The following SPATA31D1 variants were observed in gnomAD, a reference collection of about 807,000 sequenced individuals.
The protein encoded by SPATA31D1 is spermatogenesis-associated protein 31D1.
SPATA31D1 carries 6 observed loss-of-function variants against 13.2 expected under a neutral mutation model. The ratio of observed to expected loss-of-function variants is 0.46; its 90% CI spans 0.25 to 0.90. The LOEUF (loss-of-function observed/expected upper bound fraction) is 0.90, where lower values mean the gene tolerates loss of function less well. Among genes scored for constraint, SPATA31D1 ranks in the 40% least tolerant of loss-of-function variants. The probability of loss-of-function intolerance (pLI) is 0.18; values close to 1 mark genes in which losing one functional copy is unlikely to be tolerated. For missense variants in SPATA31D1, 2,445 were observed against 1,884.7 expected (o/e 1.30, Z -5.50); for synonymous variants, 903 against 718.8 (o/e 1.26, Z -4.10).
At position 81,990,940 on chromosome 9, in the gene SPATA31D1, C is replaced by T. The variant is rs1824941414; in HGVS notation, c.470C>T (p.Ser157Phe). Reference protein sequence around the residue: ...ESLKDAAPSVSPLASSASATE... With the variant: ...ESLKDAAPSVFPLASSASATE... ...CTGAAAGATGCTGCTCCCTCTGTGTCCCCTTTGGCTTCTTCGGCTTCTGCG... is the reference window on the plus strand; with the variant it reads ...CTGAAAGATGCTGCTCCCTCTGTGTTCCCTTTGGCTTCTTCGGCTTCTGCG... The change falls in exon 4 of 4, where the codon TCC becomes TTC. Residue 157 changes from serine (S) to phenylalanine (F), a missense_variant. Ser to Phe is a radical substitution (Grantham distance 155). Transcript: ENST00000344803. The T allele has an allele frequency of 1.9e-6, 3 of 1,613,796 alleles. No homozygotes were observed. The highest frequency in any genetic ancestry group is 2.5e-6 in the Non-Finnish European group (3 of 1,179,872).
chr9:81,988,724 G>T, upstream of SPATA31D1: 1 of 1,585,980 alleles, frequency 6.3e-7, no homozygotes, highest in South Asian at 1.1e-5. Context: ...AACCTTCTGT[G>T]ACTCTTCCAT....
At position 81,991,640 on chromosome 9, in the gene SPATA31D1, AG is replaced by A. The variant is rs1471755514; in HGVS notation, c.1176del (p.His393ThrfsTer7). On this transcript the variant is annotated frameshift_variant, in exon 4 of 4. Transcript: ENST00000344803. LOFTEE classifies it low-confidence loss of function (END_TRUNC). ...CCCTTCATTCTTCTGAGGCCTTTTT[AG>A]GGGGGCACTCTGTGGCCAACCTCAT... ...LTLHSSEAFL[G>X]GHSVANLIEP... The A allele has an allele frequency of 1.9e-6, 3 of 1,613,860 alleles. No homozygotes were observed. The highest frequency in any genetic ancestry group is 8.5e-7 in the Non-Finnish European group (1 of 1,179,868).
In SPATA31D1 at chr9:81,994,442, TAAC is replaced by T. The variant is rs1825052314; in HGVS notation, c.3975_3977del (p.Asn1325del). The T allele has an allele frequency of 6.2e-7, 1 of 1,613,514 alleles. No individual in the cohort carries two copies. Among genetic ancestry groups the T allele is most frequent in the Non-Finnish European group, 8.5e-7 (1 of 1,179,730 alleles). Reference sequence around the variant, plus strand: ...GCAGGAGAAAGAGCCTCCCTGTTCATAACAAGACATCAGGGGAGGTGCTTGGGA... The same window carrying T: ...GCAGGAGAAAGAGCCTCCCTGTTCATAAGACATCAGGGGAGGTGCTTGGGA... On this transcript the variant is annotated inframe_deletion, in exon 4 of 4. Coordinates refer to ENST00000344803, the MANE Select transcript of SPATA31D1 (RefSeq NM_001001670.3).
rs778064519 is a variant in SPATA31D1, at chr9:81,992,144, C to A, written c.1674C>A (p.Thr558=). The stretch of plus-strand genomic sequence containing the variant: ...CCCAACCTCTGTCCTTGCCTAGTAC[C>A]CAACCACTACCCTTGCCTCAAACCC... ...PPPQPLSLPS[T]QPLPLPQTLP... is the part of the protein sequence containing the mutation. Residue 558 remains threonine (T), a synonymous_variant, in exon 4 of 4, where the codon ACC becomes ACA. Coordinates refer to ENST00000344803, the MANE Select transcript of SPATA31D1 (RefSeq NM_001001670.3). 1 of 1,613,720 alleles carries A rather than the reference C, an allele frequency of 6.2e-7. No individual in the cohort carries two copies. The highest frequency in any genetic ancestry group is 2.2e-5 in the East Asian group (1 of 44,858).
In SPATA31D1 at chr9:81,992,230, C is replaced by A; in HGVS notation, c.1760C>A (p.Pro587Gln). The A allele has an allele frequency of 3.7e-6, 6 of 1,613,776 alleles. No individual in the cohort carries two copies. Among genetic ancestry groups the A allele is most frequent in the Non-Finnish European group, 5.1e-6 (6 of 1,179,732 alleles). ...AAGTCCCTGGCTCAACCTCAATCTC[C>A]ATTCCGAGCCCTACTACCTAGTCCT... ...QVKSLAQPQS[P>Q]FRALLPSPLF... Residue 587 changes from proline to glutamine, a missense_variant, in exon 4 of 4, where the codon CCA becomes CAA. Physicochemically the swap from Pro to Gln is moderately conservative, Grantham distance 76. Coordinates refer to ENST00000344803, the MANE Select transcript of SPATA31D1 (RefSeq NM_001001670.3).
At position 81,993,859 on chromosome 9, in the gene SPATA31D1, GAA is replaced by G; in HGVS notation, c.3391_3392del (p.Lys1131GlufsTer5). Reference sequence around the variant, plus strand: ...GCTGGCTGTGAGTCATGGGATAAGAGAAAGAGTTCCTTTCATAATGTAGACAG... The same window carrying G: ...GCTGGCTGTGAGTCATGGGATAAGAGAGAGTTCCTTTCATAATGTAGACAG... On this transcript the variant is annotated frameshift_variant, in exon 4 of 4. Transcript: ENST00000344803. LOFTEE classifies it low-confidence loss of function (END_TRUNC). The G allele has an allele frequency of 6.2e-7, 1 of 1,613,958 alleles. No individual in the cohort carries two copies.
In SPATA31D1 at chr9:81,993,058, T is replaced by C. The variant is rs372100403; in HGVS notation, c.2588T>C (p.Leu863Pro). The C allele has an allele frequency of 3.7e-6, 6 of 1,613,674 alleles. No individual in the cohort carries two copies. Among genetic ancestry groups the C allele is most frequent in the Non-Finnish European group, 5.1e-6 (6 of 1,179,742 alleles). The change falls in exon 4 of 4, where the codon CTT (leucine) becomes CCT (proline). Residue 863 changes from leucine (L) to proline (P), a missense_variant. By Grantham distance (98) the Leu-to-Pro change is moderately conservative (BLOSUM62 -3). Coordinates refer to ENST00000344803, the MANE Select transcript of SPATA31D1 (RefSeq NM_001001670.3). Reference sequence around the variant, plus strand: ...CACTCAGTCAAGCAGACAATGTCTCTTCCTGAGAAATCCCACAGCCAAATT... The same window carrying C: ...CACTCAGTCAAGCAGACAATGTCTCCTCCTGAGAAATCCCACAGCCAAATT... Reference protein sequence around the residue: ...SWHSVKQTMSLPEKSHSQIKH... With the variant: ...SWHSVKQTMSPPEKSHSQIKH...
Position 81,994,031 on chromosome 9 carries a change from A to G in SPATA31D1, c.3561A>G (p.Pro1187=), listed in dbSNP as rs776291265. Residue 1187 remains proline (P), a synonymous_variant, in exon 4 of 4, where the codon CCA becomes CCG. Transcript: ENST00000344803. ...CCAATGAAACTGAAATTTTCCCACC[A>G]AGAATATCAGTTCCTCAAGATCCTA... is the stretch of plus-strand genomic sequence containing the variant. ...STSNETEIFP[P]RISVPQDPKS... 1 of 1,613,736 alleles carries G rather than the reference A, an allele frequency of 6.2e-7. No homozygotes were observed. The highest frequency in any genetic ancestry group is 8.5e-7 in the Non-Finnish European group (1 of 1,179,790).
chr9:81,991,551 C>T lies in SPATA31D1; in HGVS notation c.1081C>T (p.Pro361Ser), dbSNP rs760732334. The change falls in exon 4 of 4, where the codon CCT becomes TCT. Residue 361 changes from proline to serine, a missense_variant. Pro to Ser is a moderately conservative substitution (Grantham distance 74). Transcript: ENST00000344803. ...LASSEFTWWQPHAKDSFSSNF... is the reference protein window; with the variant it reads ...LASSEFTWWQSHAKDSFSSNF... ...ATCTTCAGAATTCACCTGGTGGCAG[C>T]CTCATGCCAAGGACTCTTTTTCCTC... 3 of 1,614,020 alleles carry T rather than the reference C, an allele frequency of 1.9e-6. No individual in the cohort carries two copies. The highest frequency in any genetic ancestry group is 4.5e-5 in the East Asian group (2 of 44,878).
In SPATA31D1 at chr9:81,991,932, C is replaced by A; in HGVS notation, c.1462C>A (p.His488Asn). Residue 488 changes from histidine (H) to asparagine (N), a missense_variant, in exon 4 of 4, where the codon CAC (histidine) becomes AAC (asparagine). Physicochemically the swap from His to Asn is moderately conservative, Grantham distance 68. Coordinates refer to ENST00000344803, the MANE Select transcript of SPATA31D1 (RefSeq NM_001001670.3). ...EWQHIHQQPP[H>N]SKCFEDHLEQ... ...GCAGCACATCCATCAGCAGCCTCCACACTCTAAATGCTTTGAAGACCATTT... is the reference window on the plus strand; with the variant it reads ...GCAGCACATCCATCAGCAGCCTCCAAACTCTAAATGCTTTGAAGACCATTT... 6.2e-7 allele frequency: 1 copy of A among 1,613,810 alleles called. No homozygotes were observed. Among genetic ancestry groups the A allele is most frequent in the Non-Finnish European group, 8.5e-7 (1 of 1,179,728 alleles).
chr9:81,990,565 C>A (rs1824931875), intron 3 of SPATA31D1, 79 bp downstream of exon 3: 19 of 1,444,378 alleles, frequency 1.3e-5, no homozygotes, highest in Non-Finnish European at 1.7e-5. Context: ...TCAGGGATTC[C>A]TTGTAGCCTG....
Position 81,995,197 on chromosome 9 carries a change from A to T in SPATA31D1, c.4727A>T (p.Lys1576Ile). 1 of 1,517,450 alleles carries T rather than the reference A, an allele frequency of 6.6e-7. No individual in the cohort carries two copies. Among genetic ancestry groups the T allele is most frequent in the South Asian group, 1.2e-5 (1 of 80,528 alleles). 94.0% of individuals were successfully genotyped at this position (1,517,450 alleles called of 1,614,324 possible). Residue 1576 changes from lysine (K) to isoleucine (I), a missense_variant, in exon 4 of 4, where the codon AAA becomes ATA. By Grantham distance (102) the Lys-to-Ile change is moderately radical (BLOSUM62 -3). Transcript: ENST00000344803. ...CAGGGAGGAAAATTTCCCCCCACAA[A>T]ATAATTCACTCCTTGTTGAGAATCT... Reference protein sequence around the residue: ...HLQGGKFPPTK With the variant: ...HLQGGKFPPTI
chr9:81,990,650 C>A (rs779838047), intron 3 of SPATA31D1, 123 bp from the exon 4 acceptor site: 22 of 1,386,038 alleles, frequency 1.6e-5, no homozygotes, highest in Non-Finnish European at 2.2e-5. Context: ...ATAGTGAGGT[C>A]ATAGGACCTC....
Position 81,991,137 on chromosome 9 carries a change from C to T in SPATA31D1, c.667C>T (p.Pro223Ser), listed in dbSNP as rs746728707. 1.9e-6 allele frequency: 3 copies of T among 1,613,804 alleles called. No homozygotes were observed. Among genetic ancestry groups the T allele is most frequent in the Admixed American group, 1.7e-5 (1 of 60,026 alleles). Residue 223 changes from proline to serine, a missense_variant, in exon 4 of 4, where the codon CCA becomes TCA. Physicochemically the swap from Pro to Ser is moderately conservative, Grantham distance 74 (BLOSUM62 -1). Coordinates refer to ENST00000344803, the MANE Select transcript of SPATA31D1 (RefSeq NM_001001670.3). ...SPSPLRDPLP[P>S]QPVSPLDSKF... ...CTCACCACTGAGGGACCCTCTGCCACCACAGCCTGTTTCTCCCTTGGATTC... is the reference window on the plus strand; with the variant it reads ...CTCACCACTGAGGGACCCTCTGCCATCACAGCCTGTTTCTCCCTTGGATTC...
rs1461157273 is a variant in SPATA31D1, at chr9:81,990,876, G to T, written c.406G>T (p.Ala136Ser). The T allele has an allele frequency of 1.2e-6, 2 of 1,613,836 alleles. No individual in the cohort carries two copies. Among genetic ancestry groups the T allele is most frequent in the African/African-American group, 2.7e-5 (2 of 74,890 alleles). Residue 136 changes from alanine (A) to serine (S), a missense_variant, in exon 4 of 4, where the codon GCA becomes TCA. Physicochemically the swap from Ala to Ser is moderately conservative, Grantham distance 99 (BLOSUM62 1). Transcript: ENST00000344803. ...CCCCGTCTGTCGGGTGTGTAAGAGA[G>T]CAACTGCTGATATCCAGCAACTGCT... ...PDPVCRVCKRATADIQQLLSW... is the reference protein window; with the variant it reads ...PDPVCRVCKRSTADIQQLLSW...
At chr9:81,988,425 G>C (rs899664221), upstream of SPATA31D1, among the ~76,000 whole-genome samples, 19 of 152,150 alleles carry the variant, frequency 1.2e-4, no homozygotes, top group African/African-American at 4.3e-4. Flanking sequence ...GCAATGCCTG[G>C]GTACAACAAA....
chr9:81,993,592 G>C lies in SPATA31D1; in HGVS notation c.3122G>C (p.Ser1041Thr), dbSNP rs148202358. 107 of 1,613,872 alleles carry C rather than the reference G, an allele frequency of 6.6e-5. No homozygotes were observed. In the African/African-American group the frequency reaches 1.2e-3, roughly 19 times the overall value. Residue 1041 changes from serine (S) to threonine (T), a missense_variant, in exon 4 of 4, where the codon AGC becomes ACC. Ser to Thr is a moderately conservative substitution (Grantham distance 58, BLOSUM62 1). Coordinates refer to ENST00000344803, the MANE Select transcript of SPATA31D1 (RefSeq NM_001001670.3). ...DFQSEKLDST[S>T]SFPILGHSYL... The stretch of plus-strand genomic sequence containing the variant: ...CAAAGCGAAAAATTAGATTCAACAA[G>C]CTCATTCCCCATCCTCGGTCATTCT...
At position 81,995,249 on chromosome 9, in the gene SPATA31D1, A is replaced by G; in HGVS notation, c.*48A>G. ...GATTCTCCCCAATAAATGTTCCAAT[A>G]AGAAGGATGTCTTTTCTGTGTATTG... On this transcript the variant is annotated 3_prime_UTR_variant, in exon 4 of 4. Coordinates refer to ENST00000344803, the MANE Select transcript of SPATA31D1 (RefSeq NM_001001670.3). The G allele has an allele frequency of 2.8e-6, 4 of 1,445,062 alleles. No individual in the cohort carries two copies. The highest frequency in any genetic ancestry group is 3.7e-6 in the Non-Finnish European group (4 of 1,093,326). The allele number at this position is 1,445,062 out of a possible 1,614,324, so 89.5% of individuals were successfully genotyped here.
chr9:81,991,543 G>T lies in SPATA31D1; in HGVS notation c.1073G>T (p.Trp358Leu), dbSNP rs565215379. The change falls in exon 4 of 4, where the codon TGG becomes TTG. Residue 358 changes from tryptophan to leucine, a missense_variant. By Grantham distance (61) the Trp-to-Leu change is moderately conservative. Coordinates refer to ENST00000344803, the MANE Select transcript of SPATA31D1 (RefSeq NM_001001670.3). Reference protein sequence around the residue: ...HSHLASSEFTWWQPHAKDSFS... With the variant: ...HSHLASSEFTLWQPHAKDSFS... ...CACCTTGCATCTTCAGAATTCACCT[G>T]GTGGCAGCCTCATGCCAAGGACTCT... The T allele has an allele frequency of 1.2e-6, 2 of 1,613,968 alleles. No individual in the cohort carries two copies. The highest frequency in any genetic ancestry group is 2.2e-5 in the East Asian group (1 of 44,872).
Sources: allele counts gnomAD v4.1 joint callset (sites outside exome capture counted in the v4.1 genomes callset), GRCh38; gene constraint gnomAD v4.1.1; transcripts MANE v1.5; gene names NCBI Gene and HGNC (gene_info 2026-07-23, HGNC 2026-07-21).